LRRTM4: variants seen among roughly 807,000 people sequenced by gnomAD.
LRRTM4 encodes the protein leucine rich repeat transmembrane neuronal 4.
In LRRTM4, 25 loss-of-function variants were observed where a neutral mutation model predicts 47.6. The observed-to-expected ratio is 0.53, with a 90% confidence interval of 0.38 to 0.73. The LOEUF (loss-of-function observed/expected upper bound fraction) is 0.73. Among genes scored for constraint, LRRTM4 ranks in the 30% least tolerant of loss-of-function variants. LRRTM4 has a pLI of 0.00. For synonymous variants in LRRTM4, 311 were observed against 269.5 expected (o/e 1.15, Z -1.51); for missense variants, 638 against 713.4 (o/e 0.89, Z 1.20).
intron 3 of LRRTM4, among the ~76,000 whole-genome samples, chr2:76,973,904 T>G (rs991169275): frequency 6.6e-6 from 1 of 151,722 alleles, no homozygotes; most frequent in Non-Finnish European, 1.5e-5. Context: ...AAAGTTACTG[T>G]TCAGCTTTTC....
chr2:77,323,335 G>A (rs1375484377), intron 3 of LRRTM4, among the ~76,000 whole-genome samples: 1 of 152,130 alleles, frequency 6.6e-6, no homozygotes, highest in African/African-American at 2.4e-5. Flanking sequence ...GAACGTAATG[G>A]GATCTAGCCT....
intron 3 of LRRTM4, among the ~76,000 whole-genome samples, chr2:77,220,875 A>G (rs192852525): frequency 1.3e-5 from 2 of 152,314 alleles, no homozygotes. Flanking sequence ...ATACTCCTTG[A>G]GAAGACCAAC....
At chr2:77,444,550 T>C (rs1314401136) in intron 3 of LRRTM4, among the ~76,000 whole-genome samples, 2 of 152,108 alleles carry the variant, frequency 1.3e-5, no homozygotes, top group Non-Finnish European at 2.9e-5. Flanking sequence ...GTGGTTCTCC[T>C]TGCTTGTATA....
At chr2:76,836,515 C>A (rs1310045135) in intron 3 of LRRTM4, among the ~76,000 whole-genome samples, 2 of 151,822 alleles carry the variant, frequency 1.3e-5, no homozygotes, top group African/African-American at 4.8e-5. Flanking sequence ...GTCCTTCCCC[C>A]ACCCCTCGCC....
intron 3 of LRRTM4, among the ~76,000 whole-genome samples, chr2:77,332,668 A>C (rs780359397): frequency 1.3e-5 from 2 of 152,206 alleles, no homozygotes; most frequent in Non-Finnish European, 2.9e-5. Context: ...ATAATATTAA[A>C]AGTCTGCTTC....
chr2:76,810,579 TAAAC>T (rs1378216762), intron 3 of LRRTM4, among the ~76,000 whole-genome samples: 1 of 152,122 alleles, frequency 6.6e-6, no homozygotes, highest in Non-Finnish European at 1.5e-5. Context: ...GGTTAATGAA[TAAAC>T]AAAAAATGTC....
chr2:76,798,576 C>T (rs1675484632), intron 3 of LRRTM4, among the ~76,000 whole-genome samples: 1 of 150,540 alleles, frequency 6.6e-6, no homozygotes, highest in African/African-American at 2.4e-5. Flanking sequence ...CAAAAGCTAG[C>T]AGAAGGCAAG....
intron 3 of LRRTM4, among the ~76,000 whole-genome samples, chr2:76,913,770 C>T (rs915302174): frequency 1.9e-4 from 29 of 151,908 alleles, no homozygotes; most frequent in African/African-American, 7.0e-4. Flanking sequence ...AATTCCTGGC[C>T]TCAAGTGATC....
intron 3 of LRRTM4, among the ~76,000 whole-genome samples, chr2:77,085,980 C>T (rs1412237660): frequency 1.3e-5 from 2 of 152,064 alleles, no homozygotes; most frequent in African/African-American, 4.8e-5. Context: ...GACTGAAACG[C>T]AGTATCAGTC....
intron 3 of LRRTM4, among the ~76,000 whole-genome samples, chr2:77,445,620 T>G (rs1676021923): frequency 6.6e-6 from 1 of 152,064 alleles, no homozygotes; most frequent in Admixed American, 6.6e-5. Flanking sequence ...GAAATAAGCT[T>G]AACATGCTCA....
chr2:77,294,144 AT>A (rs1676905279), intron 3 of LRRTM4, among the ~76,000 whole-genome samples: 1 of 151,990 alleles, frequency 6.6e-6, no homozygotes, highest in Non-Finnish European at 1.5e-5. Flanking sequence ...TTTTATAATT[AT>A]TCTCTGTTTT....
At chr2:77,292,590 T>C (rs369385848) in intron 3 of LRRTM4, among the ~76,000 whole-genome samples, 7 of 150,354 alleles carry the variant, frequency 4.7e-5, no homozygotes, top group Admixed American at 1.3e-4. Flanking sequence ...AGTAAACTAT[T>C]GCAAGAACAA....
chr2:77,007,405 G>A (rs1350472919), intron 3 of LRRTM4, among the ~76,000 whole-genome samples: 1 of 152,144 alleles, frequency 6.6e-6, no homozygotes. Context: ...AGTCATGCAT[G>A]TAAAATTTGC....
intron 3 of LRRTM4, among the ~76,000 whole-genome samples, chr2:76,908,848 A>C (rs1673945485): frequency 6.6e-6 from 1 of 152,174 alleles, no homozygotes; most frequent in Non-Finnish European, 1.5e-5. Context: ...AAAAGAGGAT[A>C]CAAACAAATG....
chr2:77,024,200 T>C (rs529888722), intron 3 of LRRTM4, among the ~76,000 whole-genome samples: 1 of 152,288 alleles, frequency 6.6e-6, no homozygotes, highest in South Asian at 2.1e-4. Context: ...CACATGGTAA[T>C]TACGGGAATA....
At chr2:76,798,144 T>C (rs575388766) in intron 3 of LRRTM4, among the ~76,000 whole-genome samples, 5 of 152,188 alleles carry the variant, frequency 3.3e-5, no homozygotes, top group Non-Finnish European at 5.9e-5. Context: ...CAACACAATA[T>C]ACATTTTTTT....
chr2:77,443,398 AC>A (rs1178719587), intron 3 of LRRTM4, among the ~76,000 whole-genome samples: 1 of 152,074 alleles, frequency 6.6e-6, no homozygotes, highest in African/African-American at 2.4e-5. Context: ...AAAATATAAT[AC>A]CCGTATGGTA....
At chr2:76,774,162 G>C (rs1172262665) in intron 3 of LRRTM4, among the ~76,000 whole-genome samples, 1 of 151,084 alleles carries the variant, frequency 6.6e-6, no homozygotes, top group African/African-American at 2.4e-5. Context: ...AATAAAGTAA[G>C]CTAAAGAAAA....
chr2:76,968,815 C>T (rs1418723645), intron 3 of LRRTM4, among the ~76,000 whole-genome samples: 2 of 151,800 alleles, frequency 1.3e-5, no homozygotes, highest in Non-Finnish European at 2.9e-5. Context: ...TTCAGCAAAG[C>T]ATTTAAAGTG....
Sources: allele counts gnomAD v4.1 joint callset (sites outside exome capture counted in the v4.1 genomes callset), GRCh38; gene constraint gnomAD v4.1.1; transcripts MANE v1.5; gene names NCBI Gene and HGNC (gene_info 2026-07-23, HGNC 2026-07-21).